MOB4: variants seen among roughly 807,000 people sequenced by gnomAD.
The protein encoded by MOB4 is MOB-like protein phocein.
MOB4 carries 4 observed loss-of-function variants against 32.2 expected under a neutral mutation model. That is an observed-to-expected ratio of 0.12 (90% CI 0.06 to 0.28). MOB4 has a LOEUF of 0.28. Ranked by LOEUF, MOB4 falls within the 10% of genes least tolerant of loss-of-function variation. The probability of loss-of-function intolerance (pLI) is 1.00; values close to 1 mark genes in which losing one functional copy is unlikely to be tolerated. For missense variants in MOB4, 158 were observed against 271.2 expected (o/e 0.58, Z 2.93); for synonymous variants, 88 against 88.1 (o/e 1.00, Z 0.01).
At chr2:197,531,229 A>T (rs184558722) in intron 2 of MOB4, among the ~76,000 whole-genome samples, 52 of 151,810 alleles carry the variant, frequency 3.4e-4, no homozygotes, top group African/African-American at 1.2e-3. Flanking sequence ...TATTTTTAGT[A>T]GAGACGGGGT....
At chr2:197,520,887 G>A (rs569989006) in intron 1 of MOB4, among the ~76,000 whole-genome samples, 18 of 118,738 alleles carry the variant, frequency 1.5e-4, no homozygotes, top group East Asian at 4.8e-4. Flanking sequence ...GTGAGACCTC[G>A]TCTCTTAAAA....
intron 1 of MOB4, among the ~76,000 whole-genome samples, chr2:197,521,765 A>G (rs1262052452): frequency 6.6e-6 from 1 of 152,346 alleles, no homozygotes; most frequent in East Asian, 1.9e-4. Context: ...CCGGCTCACC[A>G]GTGGTCAGAG....
chr2:197,531,336 G>A (rs1468737772), intron 2 of MOB4, among the ~76,000 whole-genome samples: 14 of 151,932 alleles, frequency 9.2e-5, no homozygotes, highest in African/African-American at 2.9e-4. Context: ...GAGCCACTGC[G>A]CCCGGCCTCA....
chr2:197,533,999 A>C, intron 2 of MOB4: 1 of 503,228 alleles, frequency 2.0e-6, no homozygotes, highest in Non-Finnish European at 3.9e-6. Flanking sequence ...CACATACTTA[A>C]TATTGCATCA....
At chr2:197,536,671 G>A (rs1412121314) in intron 3 of MOB4, among the ~76,000 whole-genome samples, 1 of 140,068 alleles carries the variant, frequency 7.1e-6, no homozygotes. Context: ...GTGTGATCCC[G>A]GCTCACCACA....
At chr2:197,530,050 A>G (rs548805177) in intron 2 of MOB4, among the ~76,000 whole-genome samples, 4 of 145,806 alleles carry the variant, frequency 2.7e-5, no homozygotes, top group East Asian at 4.2e-4. Context: ...CCTCACTGCA[A>G]TCCCCACCCC....
At chr2:197,537,427 T>G (rs2086819946) in intron 3 of MOB4, among the ~76,000 whole-genome samples, 1 of 152,216 alleles carries the variant, frequency 6.6e-6, no homozygotes, top group South Asian at 2.1e-4. Context: ...TGACTTTTCC[T>G]GAATAAATTA....
chr2:197,540,180 T>C (rs748306263), intron 4 of MOB4, 27 bp downstream of exon 4: 3 of 1,597,144 alleles, frequency 1.9e-6, no homozygotes, highest in South Asian at 1.1e-5. Flanking sequence ...GTCAAAGTTA[T>C]AATTGAAAGT....
intron 2 of MOB4, among the ~76,000 whole-genome samples, chr2:197,529,552 A>G (rs1007388447): frequency 4.6e-5 from 7 of 151,784 alleles, no homozygotes; most frequent in African/African-American, 1.2e-4. Flanking sequence ...GGGTTTTGCC[A>G]TATTGACCAG....
intron 5 of MOB4, among the ~76,000 whole-genome samples, chr2:197,544,025 C>T (rs1426775464): frequency 2.6e-5 from 4 of 151,534 alleles, no homozygotes; most frequent in African/African-American, 9.7e-5. Flanking sequence ...TAGATGTGAG[C>T]CACTGCGCCC....
intron 2 of MOB4, among the ~76,000 whole-genome samples, chr2:197,528,811 G>T (rs574859002): frequency 1.3e-5 from 2 of 151,560 alleles, no homozygotes; most frequent in Admixed American, 1.3e-4. Context: ...AGAGAACGGG[G>T]TTTCACTGTG....
In MOB4 at chr2:197,516,136, C is replaced by T. The variant is rs760627887; in HGVS notation, c.50C>T (p.Thr17Ile). 48 of 1,603,694 alleles carry T rather than the reference C, an allele frequency of 3.0e-5. No homozygotes were observed. Among genetic ancestry groups the T allele is most frequent in the Admixed American group, 6.8e-5 (4 of 58,420 alleles). ...GTGCTGAGGCGGAACAGGCCGGGCA[C>T]CAAGGCGCAGGTACCATGTCTGCAC... ...TAVLRRNRPG[T>I]KAQDFYNWPD... The change falls in exon 1 of 8, where the codon ACC becomes ATC. Residue 17 changes from threonine (T) to isoleucine (I), a missense_variant. Thr to Ile is a moderately conservative substitution (Grantham distance 89). This residue lies in a region of MOB4 where 41 missense variants were observed against 26.4 expected (regional missense o/e 1.55). Transcript: ENST00000323303.
intron 1 of MOB4, among the ~76,000 whole-genome samples, chr2:197,522,883 T>G (rs889819983): frequency 6.6e-6 from 1 of 151,718 alleles, no homozygotes; most frequent in African/African-American, 2.4e-5. Flanking sequence ...GGTGTGGTGG[T>G]GCGTGCCTGT....
intron 1 of MOB4, chr2:197,516,660 C>G (rs2086419297): frequency 2.1e-6 from 1 of 471,758 alleles, no homozygotes; most frequent in Admixed American, 2.3e-5. Context: ...CCGATATTCT[C>G]CTCCTTGTTT....
intron 2 of MOB4, chr2:197,533,932 A>C (rs920922895): frequency 6.8e-6 from 4 of 590,778 alleles, no homozygotes; most frequent in Admixed American, 1.9e-5. Flanking sequence ...CAACTCTAAG[A>C]GGAGACATTG....
At chr2:197,533,545 C>T (rs558395317) in intron 2 of MOB4, among the ~76,000 whole-genome samples, 5 of 151,814 alleles carry the variant, frequency 3.3e-5, no homozygotes, top group South Asian at 2.1e-4. Context: ...ACTAACATGG[C>T]GAAACCCTGT....
chr2:197,517,552 C>T (rs1189316367), intron 1 of MOB4, among the ~76,000 whole-genome samples: 2 of 152,004 alleles, frequency 1.3e-5, no homozygotes, highest in East Asian at 3.8e-4. Flanking sequence ...TTCATAAGTT[C>T]TTAATTTTGA....
chr2:197,530,339 C>G (rs2086678798), intron 2 of MOB4, among the ~76,000 whole-genome samples: 1 of 151,598 alleles, frequency 6.6e-6, no homozygotes, highest in Non-Finnish European at 1.5e-5. Context: ...ACAATCATAG[C>G]TTACTGCAGC....
chr2:197,551,567 C>A lies in MOB4; in HGVS notation c.*921C>A, dbSNP rs944554511. Reference sequence around the variant, plus strand: ...AAATTGTTCTACTTAGAAAACAGTCCTTAAAATAGTTTGACTCTTCCTGTT... The same window carrying A: ...AAATTGTTCTACTTAGAAAACAGTCATTAAAATAGTTTGACTCTTCCTGTT... On this transcript the variant is annotated 3_prime_UTR_variant, in exon 8 of 8. Coordinates refer to ENST00000323303, the MANE Select transcript of MOB4 (RefSeq NM_015387.5). 3 of 152,660 alleles carry A rather than the reference C, an allele frequency of 2.0e-5. No homozygotes were observed. The highest frequency in any genetic ancestry group is 6.6e-5 in the Admixed American group (1 of 15,256). 9.5% of individuals were successfully genotyped at this position (152,660 alleles called of 1,614,324 possible).
Sources: allele counts gnomAD v4.1 joint callset (sites outside exome capture counted in the v4.1 genomes callset), GRCh38; gene constraint gnomAD v4.1.1; regional missense constraint gnomAD v4.1.1; transcripts MANE v1.5; gene names NCBI Gene and HGNC (gene_info 2026-07-23, HGNC 2026-07-21).